Variants in RAB31 observed in about 807,000 individuals in gnomAD.
RAB31 encodes the protein RAB31, member RAS oncogene family, also known as ras-related protein Rab-31.
Under a neutral mutation model 25.6 loss-of-function variants are expected in RAB31, and 21 were observed. That is an observed-to-expected ratio of 0.82 (90% confidence interval 0.58 to 1.18). RAB31 has a LOEUF of 1.18. Among genes scored for constraint, RAB31 ranks in the 50% most tolerant of loss-of-function variants. RAB31 has a pLI of 0.00. For synonymous variants in RAB31, 87 were observed against 84.0 expected (o/e 1.04, Z -0.20); for missense variants, 196 against 250.1 (o/e 0.78, Z 1.46).
intron 3 of RAB31, among the ~76,000 whole-genome samples, chr18:9,799,159 C>T (rs2068501660): frequency 6.6e-6 from 1 of 152,192 alleles, no homozygotes; most frequent in Non-Finnish European, 1.5e-5. Context: ...TCAAGCAATC[C>T]ATTTCACTTG....
At chr18:9,730,434 G>A (rs2068117239) in intron 1 of RAB31, among the ~76,000 whole-genome samples, 1 of 151,992 alleles carries the variant, frequency 6.6e-6, no homozygotes, top group African/African-American at 2.4e-5. Flanking sequence ...TTACAGGCAT[G>A]TGCCACCATG....
chr18:9,834,415 C>T (rs1252401256), intron 5 of RAB31, among the ~76,000 whole-genome samples: 1 of 152,106 alleles, frequency 6.6e-6, no homozygotes, highest in Non-Finnish European at 1.5e-5. Context: ...TGTGCCCAGC[C>T]CAGTATGCAG....
chr18:9,787,273 T>C (rs544969503), intron 2 of RAB31: 86 of 217,920 alleles, frequency 3.9e-4, no homozygotes, highest in African/African-American at 1.9e-3. Context: ...ACAAATGAAA[T>C]GAGTGTGGCA....
chr18:9,849,722 A>G (rs1372725942), intron 6 of RAB31: 1 of 152,310 alleles, frequency 6.6e-6, no homozygotes, highest in Non-Finnish European at 1.5e-5. Context: ...AAATGATTTT[A>G]AGCTGGACCT....
chr18:9,812,713 T>C (rs2068579916), intron 3 of RAB31, among the ~76,000 whole-genome samples: 1 of 83,506 alleles, frequency 1.2e-5, no homozygotes, highest in Non-Finnish European at 2.8e-5. Context: ...TTTTTTTTTT[T>C]TTGAGATAAA....
intron 1 of RAB31, among the ~76,000 whole-genome samples, chr18:9,742,032 C>G (rs1182572490): frequency 6.6e-6 from 1 of 152,172 alleles, no homozygotes; most frequent in Non-Finnish European, 1.5e-5. Flanking sequence ...CCCAGCCCTC[C>G]CAGCACTGGC....
intron 6 of RAB31, among the ~76,000 whole-genome samples, chr18:9,857,012 C>T (rs2068819489): frequency 6.6e-6 from 1 of 152,062 alleles, no homozygotes; most frequent in South Asian, 2.1e-4. Context: ...AATAGCATGT[C>T]CAGAAAAGGA....
rs185838884 is a variant in RAB31 at position 9,731,238 on chromosome 18, C to T, written c.39+22794C>T. ...GGGACTACAGATATGTGCCCAGCTA[C>T]AAGCTGGCTCTTTTATTTTTGGGGC... On this transcript the variant is annotated intron_variant, in intron 1 of 6. Transcript: ENST00000578921. 2.0e-5 allele frequency among the ~76,000 whole-genome samples: 3 copies of T among 152,326 alleles called. No individual in the cohort carries two copies. The East Asian group carries it at 5.8e-4, about 29-fold the overall frequency.
At chr18:9,711,403 C>T (rs1168843010) in intron 1 of RAB31, among the ~76,000 whole-genome samples, 1 of 152,278 alleles carries the variant, frequency 6.6e-6, no homozygotes, top group Middle Eastern at 3.4e-3. Context: ...GATAGGGTCT[C>T]ACTCTGTCAC....
intron 1 of RAB31, among the ~76,000 whole-genome samples, chr18:9,770,852 C>CTTTTT (rs34745235): frequency 7.8e-6 from 1 of 128,538 alleles, no homozygotes; most frequent in African/African-American, 2.9e-5. Context: ...AGAAATTTGA[C>CTTTTT]TTTTTTTTTT....
chr18:9,745,285 A>G (rs933056079), intron 1 of RAB31, among the ~76,000 whole-genome samples: 2 of 152,222 alleles, frequency 1.3e-5, no homozygotes, highest in Admixed American at 6.5e-5. Context: ...ACTTAAAACA[A>G]GTAAGGAGAA....
rs369370902 is a variant in RAB31, at chr18:9,792,880, A to C, written c.201+645A>C. On this transcript the variant is annotated intron_variant, in intron 3 of 6. Transcript: ENST00000578921. ...CCCCAAGGAAAATCTGAGGTCTCTT[A>C]CTGGAAAAGTGGGTAAATGGATGCT... is the stretch of plus-strand genomic sequence containing the variant. Among the ~76,000 whole-genome samples the C allele has an allele frequency of 5.3e-5, 8 of 152,338 alleles. No homozygotes were observed. In the East Asian group the frequency reaches 1.5e-3, roughly 29 times the overall value.
At chr18:9,826,020 A>T (rs9967496) in intron 5 of RAB31, among the ~76,000 whole-genome samples, 77,203 of 151,758 alleles carry the variant, frequency 0.51, 20,956 homozygotes, top group Non-Finnish European at 0.61. Flanking sequence ...CCCAAACCTC[A>T]GTGTCACCCC....
rs563514148 is a variant in RAB31, at chr18:9,724,297, A to C, written c.39+15853A>C. 2.0e-4 allele frequency among the ~76,000 whole-genome samples: 30 copies of C among 146,838 alleles called. 1 individual carries two copies. Among genetic ancestry groups the C allele is most frequent in the South Asian group, 1.3e-3 (6 of 4,766 alleles). ...AAAAAAAAAAAAAAAACAAAAAAAA[A>C]ACATTATTATTGAAATGATACTTCA... On this transcript the variant is annotated intron_variant, in intron 1 of 6. Coordinates refer to ENST00000578921, the MANE Select transcript of RAB31 (RefSeq NM_006868.4).
chr18:9,725,372 T>G (rs1452290673), intron 1 of RAB31, among the ~76,000 whole-genome samples: 1 of 152,184 alleles, frequency 6.6e-6, no homozygotes, highest in Non-Finnish European at 1.5e-5. Flanking sequence ...ATTATGACAT[T>G]AATAGGCTTA....
intron 1 of RAB31, among the ~76,000 whole-genome samples, chr18:9,767,491 G>A (rs917337097): frequency 2.0e-5 from 3 of 152,338 alleles, no homozygotes; most frequent in Admixed American, 6.5e-5. Flanking sequence ...TAGGAGTATG[G>A]TGGATGTCGT....
At chr18:9,830,671 C>T (rs767092807) in intron 5 of RAB31, 1 of 152,130 alleles carries the variant, frequency 6.6e-6, no homozygotes, top group Non-Finnish European at 1.5e-5. Context: ...TTTTGTGTAA[C>T]ATGATTTATC....
intron 5 of RAB31, among the ~76,000 whole-genome samples, chr18:9,831,426 A>G (rs560908299): frequency 6.6e-6 from 1 of 152,330 alleles, no homozygotes; most frequent in Admixed American, 6.5e-5. Flanking sequence ...CTCCGGCCCT[A>G]TAGTCGGCCT....
At chr18:9,714,400 G>GA (rs2068033744) in intron 1 of RAB31, among the ~76,000 whole-genome samples, 1 of 152,180 alleles carries the variant, frequency 6.6e-6, no homozygotes, top group African/African-American at 2.4e-5. Context: ...AGAATCTAAT[G>GA]TCACCATTGA....
Sources: allele counts gnomAD v4.1 joint callset (sites outside exome capture counted in the v4.1 genomes callset), GRCh38; gene constraint gnomAD v4.1.1; transcripts MANE v1.5; gene names NCBI Gene and HGNC (gene_info 2026-07-23, HGNC 2026-07-21).